Variants in RBFOX3 observed in about 807,000 individuals in gnomAD.
RBFOX3 encodes the protein RNA binding protein fox-1 homolog 3.
RBFOX3 carries 17 observed loss-of-function variants against 48.7 expected under a neutral mutation model. That is an observed-to-expected ratio of 0.35 (90% CI 0.24 to 0.52). The LOEUF (loss-of-function observed/expected upper bound fraction) is 0.52. Ranked by LOEUF, RBFOX3 falls within the 20% of genes least tolerant of loss-of-function variation. The pLI is 0.94. For synonymous variants in RBFOX3, 212 were observed against 209.5 expected (o/e 1.01, Z -0.10); for missense variants, 382 against 497.5 (o/e 0.77, Z 2.21).
At chr17:79,496,807 G>A (rs1402299395) in intron 1 of RBFOX3, among the ~76,000 whole-genome samples, 2 of 152,164 alleles carry the variant, frequency 1.3e-5, no homozygotes, top group African/African-American at 2.4e-5. Context: ...AGGTGTTCAC[G>A]AGATTGTCAC....
chr17:79,273,061 C>G (rs1156609131), intron 3 of RBFOX3, among the ~76,000 whole-genome samples: 3 of 152,172 alleles, frequency 2.0e-5, no homozygotes, highest in African/African-American at 7.2e-5. Context: ...CTGACTCCCT[C>G]TGGGGCTTGG....
chr17:79,461,251 G>T (rs1187700052), intron 2 of RBFOX3, among the ~76,000 whole-genome samples: 1 of 152,194 alleles, frequency 6.6e-6, no homozygotes, highest in African/African-American at 2.4e-5. Context: ...ATTCAATGAG[G>T]AATGAATAAA....
chr17:79,260,313 C>T (rs113750704), intron 3 of RBFOX3, among the ~76,000 whole-genome samples: 5 of 152,252 alleles, frequency 3.3e-5, no homozygotes, highest in African/African-American at 9.6e-5. Flanking sequence ...CCCCATGTGC[C>T]GGCACCTGCT....
intron 4 of RBFOX3, among the ~76,000 whole-genome samples, chr17:79,211,170 C>T (rs988958255): frequency 9.2e-5 from 14 of 152,230 alleles, no homozygotes; most frequent in Admixed American, 5.2e-4. Context: ...ACGGAGCAGA[C>T]GGTGGGAACA....
At chr17:79,634,927 G>T in the RBFOX3 span, among the ~76,000 whole-genome samples, 1 of 151,878 alleles carries the variant, frequency 6.6e-6, no homozygotes, top group East Asian at 1.9e-4. Context: ...AGGTGTGGTG[G>T]CATGCACCTG....
At chr17:79,140,150 C>A (rs1211427996) in intron 4 of RBFOX3, among the ~76,000 whole-genome samples, 1 of 152,246 alleles carries the variant, frequency 6.6e-6, no homozygotes, top group African/African-American at 2.4e-5. Context: ...ACTCTTCCTG[C>A]GCAGCCCTTG....
rs2064191740 is a variant in RBFOX3 at position 79,252,895 on chromosome 17, C to T, written c.-73-17090G>A. Reference sequence around the variant, plus strand: ...AAATCTCAAATCTGCCAACCCCACCCTTCCCCCTCTATCCCGCCCGGCAAG... The same window carrying T: ...AAATCTCAAATCTGCCAACCCCACCTTTCCCCCTCTATCCCGCCCGGCAAG... On this transcript the variant is annotated intron_variant, in intron 3 of 14. Coordinates refer to ENST00000693108, the MANE Select transcript of RBFOX3 (RefSeq NM_001350451.2). This position sits in a 1 kb window ranked among gnomAD's most constrained non-coding sequence, Gnocchi z 4.0. Among the ~76,000 whole-genome samples the T allele has an allele frequency of 6.6e-6, 1 of 152,146 alleles. No homozygotes were observed. Among genetic ancestry groups the T allele is most frequent in the Non-Finnish European group, 1.5e-5 (1 of 68,018 alleles).
chr17:79,562,035 C>G (rs2144238322), intron 1 of RBFOX3, among the ~76,000 whole-genome samples: 1 of 152,370 alleles, frequency 6.6e-6, no homozygotes, highest in Admixed American at 6.5e-5. Context: ...GGCAGCCACT[C>G]AGCAGCCACC....
At chr17:79,336,823 A>T (rs1174667106) in intron 2 of RBFOX3, among the ~76,000 whole-genome samples, 1 of 152,228 alleles carries the variant, frequency 6.6e-6, no homozygotes, top group East Asian at 1.9e-4. Context: ...AAAAGGCACA[A>T]TAAAAAGTGA....
At chr17:79,270,834 A>C (rs59282652) in intron 3 of RBFOX3, among the ~76,000 whole-genome samples, 2 of 152,252 alleles carry the variant, frequency 1.3e-5, no homozygotes, top group South Asian at 4.1e-4. Flanking sequence ...AATACCTTGC[A>C]CAGAGCATGT....
In RBFOX3 at chr17:79,452,419, C is replaced by T. The variant is rs1331307370; in HGVS notation, c.-175+30035G>A. Among the ~76,000 whole-genome samples the T allele has an allele frequency of 3.3e-5, 5 of 152,212 alleles. No homozygotes were observed. The East Asian group carries it at 5.8e-4, about 18-fold the overall frequency. On this transcript the variant is annotated intron_variant, in intron 2 of 14. Transcript: ENST00000693108. Reference sequence around the variant, plus strand: ...AGGCAGAGCTCCAGCAAGTCACTGACGCTCCACTGTCTTGGGACAGATGGA... The same window carrying T: ...AGGCAGAGCTCCAGCAAGTCACTGATGCTCCACTGTCTTGGGACAGATGGA...
chr17:79,475,730 C>T (rs797043929), intron 2 of RBFOX3, among the ~76,000 whole-genome samples: 1 of 152,180 alleles, frequency 6.6e-6, no homozygotes, highest in Non-Finnish European at 1.5e-5. Context: ...CGACAGGATA[C>T]ACAGGCATGG....
chr17:79,335,949 A>G (rs1440899876), intron 2 of RBFOX3, among the ~76,000 whole-genome samples: 1 of 152,194 alleles, frequency 6.6e-6, no homozygotes, highest in Non-Finnish European at 1.5e-5. Flanking sequence ...TTTCTACAGA[A>G]AAGAAAACTC....
intron 3 of RBFOX3, among the ~76,000 whole-genome samples, chr17:79,304,991 G>A (rs2075895955): frequency 6.6e-6 from 1 of 152,188 alleles, no homozygotes; most frequent in African/African-American, 2.4e-5. Flanking sequence ...CATTTTCCAT[G>A]GACGCTATCC....
At chr17:79,244,055 C>CG (rs1444519721) in intron 3 of RBFOX3, among the ~76,000 whole-genome samples, 1 of 152,170 alleles carries the variant, frequency 6.6e-6, no homozygotes, top group Non-Finnish European at 1.5e-5. Context: ...GAGATACCAC[C>CG]GCACAGGGCA....
intron 3 of RBFOX3, among the ~76,000 whole-genome samples, chr17:79,273,690 CCCATT>C (rs1338387777): frequency 6.6e-6 from 1 of 152,130 alleles, no homozygotes; most frequent in Non-Finnish European, 1.5e-5. Flanking sequence ...AGAGCTCAGC[CCCATT>C]GGCAGTGATG....
rs1241005397 is a variant in RBFOX3, at chr17:79,205,377, C to A, written c.-34+30389G>T. Among the ~76,000 whole-genome samples, 1 of 152,088 alleles carries A rather than the reference C, an allele frequency of 6.6e-6. No homozygotes were observed. Among genetic ancestry groups the A allele is most frequent in the Non-Finnish European group, 1.5e-5 (1 of 68,020 alleles). On this transcript the variant is annotated intron_variant, in intron 4 of 14. Transcript: ENST00000693108. The surrounding 1 kb of genome is among the most constrained non-coding windows in gnomAD (Gnocchi z 4.5). Reference sequence around the variant, plus strand: ...CAGCAGGTCTGTCAGGCTCATGGACCCATCCTGTGGTTTGTTCTCTGGTCT... The same window carrying A: ...CAGCAGGTCTGTCAGGCTCATGGACACATCCTGTGGTTTGTTCTCTGGTCT...
At chr17:79,194,737 A>G (rs2146589116) in intron 4 of RBFOX3, among the ~76,000 whole-genome samples, 1 of 106,600 alleles carries the variant, frequency 9.4e-6, no homozygotes, top group East Asian at 3.2e-4. Flanking sequence ...TAATTGAGAC[A>G]CTCCCTGTGT....
rs962968414 is a variant in RBFOX3, at chr17:79,515,283, G to C, written c.-319-32685C>G. Among the ~76,000 whole-genome samples, 5 of 152,288 alleles carry C rather than the reference G, an allele frequency of 3.3e-5. No individual in the cohort carries two copies. In the East Asian group the frequency reaches 7.7e-4, roughly 24 times the overall value. ...CCCAGGCCAGGTCACCTCATAGCTG[G>C]GGCCCCTGGGGGTGTGCAGTGCCCA... On this transcript the variant is annotated intron_variant, in intron 1 of 14. Transcript: ENST00000693108.
Sources: gnomAD v4.1 joint callset for allele counts (sites outside exome capture counted in the v4.1 genomes callset) on GRCh38, gnomAD v4.1.1 for gene constraint, Gnocchi (gnomAD v3.1) non-coding constraint, MANE v1.5 for transcripts, NCBI Gene and HGNC (gene_info 2026-07-23, HGNC 2026-07-21) for gene names.